SAGE1: variants seen among roughly 807,000 people sequenced by gnomAD.
The protein encoded by SAGE1 is sarcoma antigen 1, also known as cancer/testis antigen 14.
In SAGE1, 55 loss-of-function variants were observed where a neutral mutation model predicts 55.4. The observed-to-expected ratio is 0.99, with a 90% CI of 0.80 to 1.24. SAGE1 has a LOEUF of 1.24. Ranked by LOEUF, SAGE1 falls within the 50% of genes most tolerant of loss-of-function variation. The pLI is 0.00. For synonymous variants in SAGE1, 240 were observed against 244.3 expected (o/e 0.98, Z 0.17); for missense variants, 710 against 704.4 (o/e 1.01, Z -0.09).
intron 1 of SAGE1, among the ~76,000 whole-genome samples, 44 bp downstream of exon 1, chrX:135,893,825 C>A (rs1298652936): frequency 9.0e-6 from 1 of 111,719 alleles, no homozygotes; most frequent in Non-Finnish European, 1.9e-5. Flanking sequence ...TGATATATTT[C>A]TCTGGCTTTG....
chrX:135,909,587 T>C, intron 13 of SAGE1, 52 bp from the exon 14 acceptor site: 1 of 1,106,894 alleles, frequency 9.0e-7, no homozygotes, highest in Non-Finnish European at 1.2e-6. Flanking sequence ...ATACCTGTGG[T>C]ATTGACATAA....
intron 3 of SAGE1, 97 bp from the exon 4 acceptor site, chrX:135,904,380 G>A: frequency 3.7e-6 from 2 of 535,798 alleles, no homozygotes; most frequent in Admixed American, 2.9e-5. Context: ...TCTTCTTTAT[G>A]AGATAATTTC....
rs782401959 is a variant in SAGE1 at position 135,906,392 on chromosome X, C to G, written c.596-19C>G. The G allele has an allele frequency of 8.3e-7, 1 of 1,206,826 alleles. No homozygotes were observed. Among genetic ancestry groups the G allele is most frequent in the Non-Finnish European group, 1.1e-6 (1 of 892,984 alleles). On this transcript the variant is annotated intron_variant, in intron 6 of 19. Transcript: ENST00000370709. ...TAATGCACTTACCTCACAGCTCAAC[C>G]TCTTCCTTTGGTTTCCAGATGCTAC...
At chrX:135,907,292 A>G (rs2088813059) in intron 8 of SAGE1, 21 bp from the exon 9 acceptor site, 2 of 1,196,920 alleles carry the variant, frequency 1.7e-6, no homozygotes, top group Admixed American at 4.5e-5. Context: ...TCACAGCTCA[A>G]CCTCTTCATT....
intron 3 of SAGE1, among the ~76,000 whole-genome samples, chrX:135,903,579 A>G (rs1440256313): frequency 5.3e-5 from 6 of 112,696 alleles, no homozygotes; most frequent in Non-Finnish European, 7.5e-5. Flanking sequence ...AAGGATCTGT[A>G]GAATCATATA....
chrX:135,899,372 A>G (rs1398471352), intron 2 of SAGE1, among the ~76,000 whole-genome samples: 1 of 111,715 alleles, frequency 9.0e-6, no homozygotes. Context: ...TTCTGCCAGC[A>G]CCATGCTGCT....
At chrX:135,905,951 A>G in intron 5 of SAGE1, 73 bp from the exon 6 acceptor site, 2 of 889,125 alleles carry the variant, frequency 2.2e-6, no homozygotes, top group African/African-American at 2.0e-5. Flanking sequence ...GAAACTGAGC[A>G]TCAGAGGGAT....
At chrX:135,903,175 C>T (rs1373948665) in intron 3 of SAGE1, among the ~76,000 whole-genome samples, 2 of 112,004 alleles carry the variant, frequency 1.8e-5, no homozygotes, top group African/African-American at 6.5e-5. Flanking sequence ...CACTCCATTC[C>T]CTACCCTTGG....
chrX:135,898,221 G>A (rs1206112821), intron 2 of SAGE1, among the ~76,000 whole-genome samples: 17 of 110,292 alleles, frequency 1.5e-4, no homozygotes, highest in African/African-American at 4.9e-4. Flanking sequence ...GGGTTTCACC[G>A]TGTTAGCCAG....
In SAGE1 at chrX:135,901,644, C is replaced by T. The variant is rs1265362591; in HGVS notation, c.173C>T (p.Ser58Leu). The change falls in exon 3 of 20, where the codon TCA (serine) becomes TTA (leucine). Residue 58 changes from serine (S) to leucine (L), a missense_variant. Physicochemically the swap from Ser to Leu is moderately radical, Grantham distance 145. Transcript: ENST00000370709. ...TCCAGAAAATCCAAGAGACACTCTT[C>T]ATCTAAGAGAAGGAAGAGTATGTCC... Reference protein sequence around the residue: ...KHSRKSKRHSSSKRRKSMSSW... With the variant: ...KHSRKSKRHSLSKRRKSMSSW... 2.5e-6 allele frequency: 3 copies of T among 1,207,206 alleles called. No individual in the cohort carries two copies. The African/African-American group carries it at 5.2e-5, about 21-fold the overall frequency.
rs1556604134 is a variant in SAGE1, at chrX:135,908,864, A to G, written c.1442A>G (p.Tyr481Cys). Residue 481 changes from tyrosine (Y) to cysteine (C), a missense_variant and splice_region_variant, in exon 13 of 20, where the codon TAT (tyrosine) becomes TGT (cysteine). Transcript: ENST00000370709. ...SIPAMSSRDLYATITHSVREE... is the reference protein window; with the variant it reads ...SIPAMSSRDLCATITHSVREE... ...CTTGACCTCTCCCTTTGGTTTCCAG[A>G]TGCTACCATTACTCACAGTGTTCGT... is the stretch of plus-strand genomic sequence containing the variant. 8.3e-7 allele frequency: 1 copy of G among 1,210,032 alleles called. No homozygotes were observed. Among genetic ancestry groups the G allele is most frequent in the Admixed American group, 2.2e-5 (1 of 45,885 alleles).
intron 3 of SAGE1, among the ~76,000 whole-genome samples, chrX:135,902,395 C>T (rs1556597433): frequency 2.7e-5 from 3 of 112,131 alleles, no homozygotes; most frequent in Non-Finnish European, 5.6e-5. Context: ...ACTCTACATG[C>T]TCAAATTTCT....
intron 2 of SAGE1, among the ~76,000 whole-genome samples, chrX:135,898,314 C>T (rs1225945534): frequency 1.8e-5 from 2 of 112,250 alleles, no homozygotes; most frequent in African/African-American, 3.2e-5. Context: ...CCACCGCACC[C>T]GGCCGATCTC....
chrX:135,904,416 T>C (rs2088741865), intron 3 of SAGE1, 61 bp from the exon 4 acceptor site: 2 of 697,959 alleles, frequency 2.9e-6, no homozygotes, highest in East Asian at 3.3e-5. Context: ...CAGTGGGGCA[T>C]GCCTGTGCCA....
chrX:135,903,367 G>A (rs1556598099), intron 3 of SAGE1, among the ~76,000 whole-genome samples: 1 of 112,612 alleles, frequency 8.9e-6, no homozygotes, highest in African/African-American at 3.2e-5. Flanking sequence ...GCCCAATGCT[G>A]CTTGTTTCAT....
At chrX:135,905,900 A>T (rs1413476535) in intron 5 of SAGE1, 124 bp from the exon 6 acceptor site, 4 of 610,580 alleles carry the variant, frequency 6.6e-6, no homozygotes, top group Admixed American at 3.5e-5. Flanking sequence ...GTCTCAAATC[A>T]CCACCTGATA....
chrX:135,896,760 A>G (rs1182336557), intron 2 of SAGE1, among the ~76,000 whole-genome samples: 1 of 109,876 alleles, frequency 9.1e-6, no homozygotes, highest in African/African-American at 3.3e-5. Context: ...GGGTTTCTCC[A>G]TTTTGGACAG....
Position 135,907,433 on chromosome X carries a change from G to T in SAGE1, c.998G>T (p.Gly333Val). The change falls in exon 9 of 20, where the codon GGC becomes GTC. Residue 333 changes from glycine to valine, a missense_variant. Coordinates refer to ENST00000370709, the MANE Select transcript of SAGE1 (RefSeq NM_001381902.1). ...IIYLTATGIP[G>V]MNTRDQYATI... Reference sequence around the variant, plus strand: ...TATTTGACAGCAACTGGTATTCCGGGCATGAATACCAGGGATCAGTGTATG... The same window carrying T: ...TATTTGACAGCAACTGGTATTCCGGTCATGAATACCAGGGATCAGTGTATG... 8.3e-7 allele frequency: 1 copy of T among 1,205,362 alleles called. No individual in the cohort carries two copies. Among genetic ancestry groups the T allele is most frequent in the Non-Finnish European group, 1.1e-6 (1 of 890,703 alleles).
chrX:135,907,740 T>C lies in SAGE1; in HGVS notation c.1058T>C (p.Val353Ala), dbSNP rs782432507. The change falls in exon 10 of 20, where the codon GTA becomes GCA. Residue 353 changes from valine to alanine, a missense_variant. Physicochemically the swap from Val to Ala is moderately conservative, Grantham distance 64. Transcript: ENST00000370709. ...CACAATGTCTGTGAAGAGAGAGTGG[T>C]AAATAACCAACCACTACCTAGTAAC... ...ITHNVCEERV[V>A]NNQPLPSNAL... 9 of 1,206,612 alleles carry C rather than the reference T, an allele frequency of 7.5e-6. No individual in the cohort carries two copies. The Admixed American group carries it at 1.8e-4, about 24-fold the overall frequency.
Sources: allele counts gnomAD v4.1 joint callset (sites outside exome capture counted in the v4.1 genomes callset), GRCh38; gene constraint gnomAD v4.1.1; transcripts MANE v1.5; gene names NCBI Gene and HGNC (gene_info 2026-07-23, HGNC 2026-07-21).